Variants in CAPN3 observed in about 807,000 individuals in gnomAD.
The protein encoded by CAPN3 is calpain-3.
CAPN3 carries 88 observed loss-of-function variants against 114.0 expected under a neutral mutation model. The ratio of observed to expected loss-of-function variants is 0.77; its 90% CI spans 0.65 to 0.92. The LOEUF is 0.92. Ranked by LOEUF, CAPN3 falls within the 40% of genes least tolerant of loss-of-function variation. The pLI, the probability that CAPN3 is intolerant of heterozygous loss-of-function variation, is 0.00. For synonymous variants in CAPN3, 386 were observed against 382.9 expected, an observed-to-expected ratio of 1.01 and a Z score of -0.09; for missense variants, 1,028 against 1,069.0, an observed-to-expected ratio of 0.96 and a Z score of 0.53.
At chr15:42,368,086 G>A (rs2052835315) in intron 1 of CAPN3, among the ~76,000 whole-genome samples, 1 of 152,170 alleles carries the variant, frequency 6.6e-6, no homozygotes, top group East Asian at 1.9e-4. Context: ...CTTGTTATTT[G>A]CAGATGCCAT....
At chr15:42,396,910 T>C (rs1347001008) in intron 9 of CAPN3, 33 bp downstream of exon 9, 3 of 1,509,210 alleles carry the variant, frequency 2.0e-6, no homozygotes, top group Admixed American at 3.3e-5. Flanking sequence ...CCCAGAAGGG[T>C]AAGGGTGGGG....
In CAPN3 at chr15:42,412,164, C is replaced by T; in HGVS notation, c.*391C>T. Reference sequence around the variant, plus strand: ...CCTCCATCACCTTCACGCTGTCCCACCATGGGCCAGGAACCAAACCAGCAC... The same window carrying T: ...CCTCCATCACCTTCACGCTGTCCCATCATGGGCCAGGAACCAAACCAGCAC... On this transcript the variant is annotated 3_prime_UTR_variant, in exon 24 of 24. Coordinates refer to ENST00000397163, the MANE Select transcript of CAPN3 (RefSeq NM_000070.3). The T allele has an allele frequency of 2.0e-6, 3 of 1,536,156 alleles. No homozygotes were observed. Among genetic ancestry groups the T allele is most frequent in the East Asian group, 4.9e-5 (2 of 40,918 alleles).
At chr15:42,401,126 G>A (rs769185932) in intron 10 of CAPN3, among the ~76,000 whole-genome samples, 2 of 151,774 alleles carry the variant, frequency 1.3e-5, no homozygotes, top group Admixed American at 6.6e-5. Context: ...CCCAGGAGGC[G>A]GAGGCTGCAG....
chr15:42,388,776 C>T, intron 4 of CAPN3, 152 bp from the exon 5 acceptor site: 1 of 771,362 alleles, frequency 1.3e-6, no homozygotes, highest in Non-Finnish European at 2.3e-6. Flanking sequence ...GAAAGGGAAT[C>T]ATTGTTTCCA....
rs2053109109 is a variant in CAPN3, at chr15:42,377,102, G to A, written c.310-7381G>A. Among the ~76,000 whole-genome samples, 3 of 151,850 alleles carry A rather than the reference G, an allele frequency of 2.0e-5. No individual in the cohort carries two copies. The South Asian group carries it at 6.2e-4, about 31-fold the overall frequency. ...TTTGGAATTTTCTACATAGACAATTGTGTCATCTGTAAATAAAGATAGTTT... is the reference window on the plus strand; with the variant it reads ...TTTGGAATTTTCTACATAGACAATTATGTCATCTGTAAATAAAGATAGTTT... On this transcript the variant is annotated intron_variant, in intron 1 of 23. Transcript: ENST00000397163.
intron 16 of CAPN3, chr15:42,408,685 G>A (rs2054100697): frequency 5.5e-6 from 2 of 362,984 alleles, no homozygotes; most frequent in Non-Finnish European, 1.1e-5. Context: ...GGGGATAAAG[G>A]ATAGGAGCAG....
intron 7 of CAPN3, among the ~76,000 whole-genome samples, chr15:42,393,662 C>T (rs544005336): frequency 1.3e-5 from 2 of 150,174 alleles, no homozygotes; most frequent in African/African-American, 4.9e-5. Context: ...GGCACAGTCT[C>T]GGCTCACTGC....
At chr15:42,370,414 A>G (rs2052913367) in intron 1 of CAPN3, among the ~76,000 whole-genome samples, 1 of 152,192 alleles carries the variant, frequency 6.6e-6, no homozygotes, top group Non-Finnish European at 1.5e-5. Flanking sequence ...ATCACAGAAA[A>G]ACCTAGGCTG....
chr15:42,411,229 C>CAGT (rs1402777887), intron 22 of CAPN3, 58 bp from the exon 23 acceptor site: 5 of 1,419,600 alleles, frequency 3.5e-6, no homozygotes, highest in Non-Finnish European at 5.0e-6. Context: ...GGGGAAGTTA[C>CAGT]AGTAGTAGAG....
chr15:42,363,485 T>C (rs1451986810), intron 1 of CAPN3, among the ~76,000 whole-genome samples: 1 of 152,152 alleles, frequency 6.6e-6, no homozygotes, highest in African/African-American at 2.4e-5. Context: ...CTGGCCTGTC[T>C]CCTTCCCATG....
chr15:42,367,954 G>T (rs2052831669), intron 1 of CAPN3, among the ~76,000 whole-genome samples: 1 of 152,110 alleles, frequency 6.6e-6, no homozygotes, highest in Non-Finnish European at 1.5e-5. Flanking sequence ...TCCTGTTTTT[G>T]AATCATGTCA....
chr15:42,411,471 A>G, intron 23 of CAPN3, 126 bp downstream of exon 23: 1 of 946,744 alleles, frequency 1.1e-6, no homozygotes, highest in Non-Finnish European at 1.7e-6. Context: ...GGATAGGAAC[A>G]GAACATGGAG....
rs1555420768 is a variant in CAPN3 at position 42,390,015 on chromosome 15, A to G, written c.864A>G (p.Ala288=). ...GTCTGAACATGGGGGAGTTGATTGC[A>G]CGGATGGTAAGGAATATGGATAACT... is the stretch of plus-strand genomic sequence containing the variant. ...PSGLNMGELI[A]RMVRNMDNSL... The change falls in exon 6 of 24, where the codon GCA becomes GCG. Residue 288 remains alanine (A), a synonymous_variant. Coordinates refer to ENST00000397163, the MANE Select transcript of CAPN3 (RefSeq NM_000070.3). The G allele has an allele frequency of 1.2e-6, 2 of 1,614,022 alleles. No individual in the cohort carries two copies. Among genetic ancestry groups the G allele is most frequent in the South Asian group, 2.2e-5 (2 of 91,078 alleles).
intron 14 of CAPN3, among the ~76,000 whole-genome samples, chr15:42,404,548 CTT>C (rs1053742780): frequency 2.0e-5 from 3 of 152,204 alleles, no homozygotes; most frequent in Non-Finnish European, 2.9e-5. Flanking sequence ...TGACTCCAGA[CTT>C]AGGTTTTTCC....
chr15:42,386,000 T>C (rs1400025397), intron 2 of CAPN3, 167 bp from the exon 3 acceptor site: 1 of 750,178 alleles, frequency 1.3e-6, no homozygotes, highest in Admixed American at 1.7e-5. Flanking sequence ...TCCTGTCCAA[T>C]TCTCCTTCCC....
intron 12 of CAPN3, 159 bp from the exon 13 acceptor site, chr15:42,402,635 G>T: frequency 5.2e-6 from 8 of 1,532,274 alleles, no homozygotes; most frequent in Non-Finnish European, 7.0e-6. Context: ...AGGAAGTGAG[G>T]TAGGGAGGCT....
Position 42,407,398 on chromosome 15 carries a change from G to T in CAPN3, c.1801-813G>T, listed in dbSNP as rs569784288. On this transcript the variant is annotated intron_variant, in intron 15 of 23. Transcript: ENST00000397163. ...GCCTGGAGTGCAGTGGCTTGATCTT[G>T]GCTCACTGCAAGCTCCACCTCCCAT... Among the ~76,000 whole-genome samples, 31 of 151,912 alleles carry T rather than the reference G, an allele frequency of 2.0e-4. 1 individual carries two copies. In the South Asian group the frequency reaches 6.5e-3, roughly 32 times the overall value.
intron 1 of CAPN3, among the ~76,000 whole-genome samples, chr15:42,377,983 A>G (rs1358278177): frequency 6.6e-6 from 1 of 152,128 alleles, no homozygotes; most frequent in African/African-American, 2.4e-5. Context: ...TTATCCCTTT[A>G]ATGTCCAAAA....
Position 42,394,417 on chromosome 15 carries a change from C to G in CAPN3, c.1115+76C>G. ...GACAAGGCTGTGTTGGGAACTGAGCCATGAGAGTATTGAAGATGCTTGGTA... is the reference window on the plus strand; with the variant it reads ...GACAAGGCTGTGTTGGGAACTGAGCGATGAGAGTATTGAAGATGCTTGGTA... On this transcript the variant is annotated intron_variant, in intron 8 of 23. Transcript: ENST00000397163. 2.6e-6 allele frequency: 3 copies of G among 1,148,910 alleles called. No homozygotes were observed. In the South Asian group the frequency reaches 4.0e-5, roughly 15 times the overall value. 71.2% of individuals were successfully genotyped at this position (1,148,910 alleles called of 1,614,324 possible).
Sources: allele counts gnomAD v4.1 joint callset (sites outside exome capture counted in the v4.1 genomes callset), GRCh38; gene constraint gnomAD v4.1.1; transcripts MANE v1.5; gene names NCBI Gene and HGNC (gene_info 2026-07-23, HGNC 2026-07-21).